NCAPD3: variants seen among roughly 807,000 people sequenced by gnomAD.
NCAPD3 encodes the protein non-SMC condensin II complex subunit D3.
A neutral mutation model predicts 182.9 loss-of-function variants in NCAPD3; 105 were observed. The observed-to-expected ratio is 0.57, with a 90% CI of 0.49 to 0.68. The LOEUF (loss-of-function observed/expected upper bound fraction) is 0.68, where lower values mean the gene tolerates loss of function less well. NCAPD3 is among the 30% of genes least tolerant of loss of function. The pLI, the probability that NCAPD3 is intolerant of heterozygous loss-of-function variation, is 0.00. For missense variants in NCAPD3, 1,944 were observed against 1,837.0 expected, an observed-to-expected ratio of 1.06 and a Z score of -1.07; for synonymous variants, 815 against 679.9, an observed-to-expected ratio of 1.20 and a Z score of -3.09.
chr11:134,179,641 A>C (rs1944251567), intron 20 of NCAPD3, among the ~76,000 whole-genome samples: 1 of 152,172 alleles, frequency 6.6e-6, no homozygotes, highest in Non-Finnish European at 1.5e-5. Flanking sequence ...AAGCTATTTC[A>C]CATTTTGAAA....
intron 32 of NCAPD3, chr11:134,153,656 CCT>C (rs751442413): frequency 2.3e-5 from 11 of 474,650 alleles, no homozygotes; most frequent in Non-Finnish European, 4.2e-5. Flanking sequence ...CATCATTGCC[CCT>C]GTCCCGGTGA....
rs1943224348 is a variant in NCAPD3, at chr11:134,151,259, C to T, written c.*1685G>A. 1 of 152,226 alleles carries T rather than the reference C, an allele frequency of 6.6e-6. No individual in the cohort carries two copies. The highest frequency in any genetic ancestry group is 6.5e-5 in the Admixed American group (1 of 15,278). 9.4% of individuals were successfully genotyped at this position (152,226 alleles called of 1,614,324 possible). A position where few individuals can be genotyped will look rare whatever the true frequency, so the allele number is the denominator to read the frequency against. ...TTATGTGAAACACTTTGCCGCAGGCCGCCTGGCAGAGGCAGGAAATGCTCC... is the reference window on the plus strand; with the variant it reads ...TTATGTGAAACACTTTGCCGCAGGCTGCCTGGCAGAGGCAGGAAATGCTCC... On this transcript the variant is annotated 3_prime_UTR_variant, in exon 35 of 35. Transcript: ENST00000534548.
intron 15 of NCAPD3, among the ~76,000 whole-genome samples, chr11:134,193,753 CA>C (rs1275871735): frequency 6.6e-6 from 1 of 152,086 alleles, no homozygotes; most frequent in Non-Finnish European, 1.5e-5. Flanking sequence ...GACTCTGTCT[CA>C]AAAATAATAA....
In NCAPD3 at chr11:134,223,490, C is replaced by T. The variant is rs1391098815; in HGVS notation, c.64+373G>A. ...TGAGACATCCAGTGGAACCTATGAACATGAAGTTCAAGAAATAAGTCTGGC... is the reference window on the plus strand; with the variant it reads ...TGAGACATCCAGTGGAACCTATGAATATGAAGTTCAAGAAATAAGTCTGGC... On this transcript the variant is annotated intron_variant, in intron 1 of 34. Coordinates refer to ENST00000534548, the MANE Select transcript of NCAPD3 (RefSeq NM_015261.3). 8.5e-6 allele frequency: 6 copies of T among 702,334 alleles called. No individual in the cohort carries two copies. In the Admixed American group the frequency reaches 1.2e-4, roughly 14 times the overall value. 43.5% of individuals were successfully genotyped at this position (702,334 alleles called of 1,614,324 possible).
At chr11:134,181,051 A>G (rs1944284514) in intron 20 of NCAPD3, 26 bp downstream of exon 20, 1 of 1,534,844 alleles carries the variant, frequency 6.5e-7, no homozygotes, top group Non-Finnish European at 9.0e-7. Flanking sequence ...AAGCGAAAAG[A>G]ATGGTTAGGA....
At chr11:134,169,822 C>A (rs1458630372) in intron 24 of NCAPD3, among the ~76,000 whole-genome samples, 2 of 152,210 alleles carry the variant, frequency 1.3e-5, no homozygotes, top group Non-Finnish European at 2.9e-5. Flanking sequence ...GATTTTTGCT[C>A]AGGGGTCAAA....
At chr11:134,172,829 G>A (rs531997165) in intron 24 of NCAPD3, among the ~76,000 whole-genome samples, 1 of 152,196 alleles carries the variant, frequency 6.6e-6, no homozygotes, top group East Asian at 1.9e-4. Context: ...CTTGAGCTCA[G>A]GAGCAGCATC....
At chr11:134,168,259 G>A (rs767047335) in intron 26 of NCAPD3, 64 bp from the exon 27 acceptor site, 1 of 1,524,444 alleles carries the variant, frequency 6.6e-7, no homozygotes, top group East Asian at 2.3e-5. Context: ...GAGAGGAGGT[G>A]TAATTCCCAC....
upstream of NCAPD3, chr11:134,224,940 C>A: frequency 3.2e-6 from 1 of 315,756 alleles, no homozygotes; most frequent in Non-Finnish European, 5.3e-6. Context: ...CGGCCGTGCC[C>A]CTCCCCCGTG....
intron 3 of NCAPD3, among the ~76,000 whole-genome samples, chr11:134,215,846 G>T (rs541866381): frequency 6.6e-6 from 1 of 152,214 alleles, no homozygotes; most frequent in South Asian, 2.1e-4. Flanking sequence ...CAACCAAAAC[G>T]ATCCTGAAAA....
At position 134,194,104 on chromosome 11, in the gene NCAPD3, T is replaced by C. The variant is rs1944579153; in HGVS notation, c.1736A>G (p.Glu579Gly). 6.2e-7 allele frequency: 1 copy of C among 1,614,190 alleles called. No individual in the cohort carries two copies. The highest frequency in any genetic ancestry group is 8.5e-7 in the Non-Finnish European group (1 of 1,180,004). Residue 579 changes from glutamate to glycine, a missense_variant, in exon 15 of 35, where the codon GAA becomes GGA. Around this residue, in one of 3 missense-constraint regions of NCAPD3, gnomAD observed 1,803 missense variants for 1,674.6 expected, o/e 1.08. Coordinates refer to ENST00000534548, the MANE Select transcript of NCAPD3 (RefSeq NM_015261.3). ...LKHCDVSGMK[E>G]DLWILQDQCR... is the part of the protein sequence containing the mutation. ...CTGGTCCTGCAGAATCCACAGGTCTTCCTTCATGCCTGAGACATCACAGTG... is the reference window on the plus strand; with the variant it reads ...CTGGTCCTGCAGAATCCACAGGTCTCCCTTCATGCCTGAGACATCACAGTG...
Position 134,153,210 on chromosome 11 carries a change from A to G in NCAPD3, c.4328-10T>C, listed in dbSNP as rs1943311078. ...CGGCCTTCAATTTTCTCTAAAAGGG[A>G]GTCAAACAAACACATTCAGCTTTCC... On this transcript the variant is annotated splice_polypyrimidine_tract_variant and intron_variant, in intron 33 of 34. Transcript: ENST00000534548. 1 of 1,613,938 alleles carries G rather than the reference A, an allele frequency of 6.2e-7. No individual in the cohort carries two copies. Among genetic ancestry groups the G allele is most frequent in the Admixed American group, 1.7e-5 (1 of 59,994 alleles).
intron 32 of NCAPD3, among the ~76,000 whole-genome samples, chr11:134,154,926 G>A (rs1591817277): frequency 6.6e-6 from 1 of 152,064 alleles, no homozygotes; most frequent in South Asian, 2.1e-4. Context: ...ATTCTGTTTC[G>A]GTGAAGTCTC....
chr11:134,178,101 G>A (rs762049478), intron 22 of NCAPD3: 1 of 152,246 alleles, frequency 6.6e-6, no homozygotes, highest in African/African-American at 2.4e-5. Context: ...TTCCAGCACA[G>A]AGGTCAGTGT....
At chr11:134,174,820 G>A (rs1002569236) in intron 24 of NCAPD3, among the ~76,000 whole-genome samples, 1 of 152,124 alleles carries the variant, frequency 6.6e-6, no homozygotes, top group Non-Finnish European at 1.5e-5. Context: ...CTCTATACAT[G>A]TATCAAAACA....
chr11:134,200,619 T>C, intron 13 of NCAPD3, among the ~76,000 whole-genome samples: 1 of 152,160 alleles, frequency 6.6e-6, no homozygotes, highest in East Asian at 1.9e-4. Flanking sequence ...TTATCATACG[T>C]TGCTAGCAGG....
At chr11:134,210,569 C>A (rs1937796015) in intron 3 of NCAPD3, 115 bp from the exon 4 acceptor site, 2 of 913,812 alleles carry the variant, frequency 2.2e-6, no homozygotes, top group Non-Finnish European at 3.3e-6. Context: ...CTGTGAATAA[C>A]AATGAACCTG....
chr11:134,195,314 G>A (rs1405105968), intron 13 of NCAPD3, among the ~76,000 whole-genome samples: 1 of 151,922 alleles, frequency 6.6e-6, no homozygotes, highest in East Asian at 1.9e-4. Context: ...GCTCAGGCTG[G>A]TCTCGAACTC....
At chr11:134,220,885 C>G (rs945679115) in intron 1 of NCAPD3, among the ~76,000 whole-genome samples, 159 bp from the exon 2 acceptor site, 2 of 152,072 alleles carry the variant, frequency 1.3e-5, no homozygotes, top group Non-Finnish European at 2.9e-5. Flanking sequence ...AAAAGAAAAC[C>G]AGAAAAGGTT....
Sources: allele counts gnomAD v4.1 joint callset (sites outside exome capture counted in the v4.1 genomes callset), GRCh38; gene constraint gnomAD v4.1.1; regional missense constraint gnomAD v4.1.1; transcripts MANE v1.5; gene names NCBI Gene and HGNC (gene_info 2026-07-23, HGNC 2026-07-21).